The following ADAM32 variants were observed in gnomAD, a reference collection of about 807,000 sequenced individuals.
ADAM32 encodes disintegrin and metalloproteinase domain-containing protein 32.
A neutral mutation model predicts 114.9 loss-of-function variants in ADAM32; 89 were observed. That is an observed-to-expected ratio of 0.77 (90% CI 0.65 to 0.92). The LOEUF is 0.92. Ranked by LOEUF, ADAM32 falls within the 40% of genes least tolerant of loss-of-function variation. The pLI, the probability that ADAM32 is intolerant of heterozygous loss-of-function variation, is 0.00. For synonymous variants in ADAM32, 285 were observed against 307.5 expected, an observed-to-expected ratio of 0.93 and a Z score of 0.77; for missense variants, 870 against 932.8, an observed-to-expected ratio of 0.93 and a Z score of 0.88.
At chr8:39,129,931 G>A in intron 2 of ADAM32, 1 of 348,600 alleles carries the variant, frequency 2.9e-6, no homozygotes, top group Non-Finnish European at 5.6e-6. Flanking sequence ...CAATATGTTG[G>A]CATAAAATTG....
chr8:39,249,535 C>A (rs1379419484), intron 17 of ADAM32, among the ~76,000 whole-genome samples: 1 of 152,086 alleles, frequency 6.6e-6, no homozygotes, highest in Non-Finnish European at 1.5e-5. Context: ...ATCCCCTCTG[C>A]TTCTGTCTTC....
chr8:39,218,300 G>A (rs771880153), intron 12 of ADAM32, among the ~76,000 whole-genome samples: 2 of 152,150 alleles, frequency 1.3e-5, no homozygotes, highest in Non-Finnish European at 2.9e-5. Context: ...CACTTAGATT[G>A]TGCTGGATCA....
At chr8:39,160,786 C>A in intron 6 of ADAM32, 111 bp from the exon 7 acceptor site, 2 of 914,220 alleles carry the variant, frequency 2.2e-6, no homozygotes, top group South Asian at 1.9e-5. Flanking sequence ...TTTGATAAAG[C>A]AAACACCTCT....
intron 11 of ADAM32, among the ~76,000 whole-genome samples, chr8:39,192,887 G>C (rs1473150392): frequency 2.0e-5 from 3 of 152,220 alleles, no homozygotes; most frequent in Non-Finnish European, 4.4e-5. Flanking sequence ...GAGGTCCACT[G>C]TTAGTCTGAT....
chr8:39,201,862 C>T (rs1396163572), intron 11 of ADAM32, among the ~76,000 whole-genome samples: 2 of 152,128 alleles, frequency 1.3e-5, no homozygotes, highest in African/African-American at 2.4e-5. Context: ...TATCAAAGGC[C>T]TTTTCTGCAT....
At chr8:39,115,217 C>T (rs1005573025) in intron 1 of ADAM32, among the ~76,000 whole-genome samples, 2 of 152,082 alleles carry the variant, frequency 1.3e-5, no homozygotes, top group Admixed American at 6.6e-5. Flanking sequence ...GATTTATATT[C>T]CCTTGGGTAT....
chr8:39,237,510 A>G (rs1227314851), intron 16 of ADAM32, among the ~76,000 whole-genome samples: 1 of 152,138 alleles, frequency 6.6e-6, no homozygotes, highest in Non-Finnish European at 1.5e-5. Context: ...AGAGGCCTGG[A>G]TATACACTGG....
chr8:39,125,082 G>A (rs1392117912), intron 2 of ADAM32, among the ~76,000 whole-genome samples: 8 of 152,032 alleles, frequency 5.3e-5, no homozygotes, highest in Non-Finnish European at 7.4e-5. Flanking sequence ...TTTGATTTGC[G>A]TATCTCAAAT....
intron 19 of ADAM32, among the ~76,000 whole-genome samples, chr8:39,267,755 T>C (rs1812457283): frequency 6.6e-6 from 1 of 152,212 alleles, no homozygotes; most frequent in African/African-American, 2.4e-5. Context: ...GGAGTTGGAC[T>C]GCACAATCTA....
intron 24 of ADAM32, 147 bp downstream of exon 24, chr8:39,283,771 CTTTTTTTTT>C (rs373085019): frequency 8.3e-6 from 2 of 241,582 alleles, no homozygotes; most frequent in African/African-American, 2.7e-5. Flanking sequence ...TTCTTTTATT[CTTTTTTTTT>C]TTTTTTTTTT....
chr8:39,246,694 A>G (rs953221665), intron 17 of ADAM32, among the ~76,000 whole-genome samples: 2 of 152,210 alleles, frequency 1.3e-5, no homozygotes, highest in Admixed American at 6.5e-5. Context: ...GATGACCTAC[A>G]AGGACATATC....
At chr8:39,119,855 A>C (rs1045244558) in intron 2 of ADAM32, among the ~76,000 whole-genome samples, 1 of 152,150 alleles carries the variant, frequency 6.6e-6, no homozygotes, top group Non-Finnish European at 1.5e-5. Context: ...GGCCTTATGG[A>C]GGTAATTAAG....
intron 2 of ADAM32, chr8:39,129,954 C>CTT: frequency 1.3e-5 from 3 of 222,496 alleles, no homozygotes; most frequent in South Asian, 8.0e-5. Flanking sequence ...CATCACATTT[C>CTT]CTTTTTTTTT....
At chr8:39,250,596 A>G (rs182136789) in intron 17 of ADAM32, among the ~76,000 whole-genome samples, 1 of 152,128 alleles carries the variant, frequency 6.6e-6, no homozygotes, top group African/African-American at 2.4e-5. Flanking sequence ...GGTATAAATG[A>G]TAATACATTC....
intron 19 of ADAM32, among the ~76,000 whole-genome samples, chr8:39,264,227 A>T (rs887917354): frequency 1.3e-5 from 2 of 152,158 alleles, no homozygotes; most frequent in African/African-American, 4.8e-5. Context: ...CCAGGTAGTG[A>T]GCATAATACT....
At chr8:39,134,010 C>A (rs1802627191) in intron 2 of ADAM32, among the ~76,000 whole-genome samples, 1 of 152,158 alleles carries the variant, frequency 6.6e-6, no homozygotes, top group South Asian at 2.1e-4. Flanking sequence ...AGGTGGCAGC[C>A]TTCCCAATGT....
chr8:39,234,182 T>A, intron 16 of ADAM32, 100 bp downstream of exon 16: 1 of 921,742 alleles, frequency 1.1e-6, no homozygotes, highest in Non-Finnish European at 1.4e-6. Flanking sequence ...TATTAGGTAA[T>A]CTTAAATGTT....
intron 22 of ADAM32, among the ~76,000 whole-genome samples, chr8:39,280,279 A>AT (rs111690903): frequency 0.1 from 15,894 of 151,430 alleles, 2,595 homozygotes; most frequent in African/African-American, 0.35. Flanking sequence ...CTTCTAATTT[A>AT]TTTTTTTTTA....
At chr8:39,200,976 G>T (rs1270185217) in intron 11 of ADAM32, among the ~76,000 whole-genome samples, 1 of 152,066 alleles carries the variant, frequency 6.6e-6, no homozygotes, top group African/African-American at 2.4e-5. Flanking sequence ...CTGTTCCATT[G>T]GTCTATATCT....
Sources: allele counts gnomAD v4.1 joint callset (sites outside exome capture counted in the v4.1 genomes callset), GRCh38; gene constraint gnomAD v4.1.1; transcripts MANE v1.5; gene names NCBI Gene and HGNC (gene_info 2026-07-23, HGNC 2026-07-21).